ITPRID1: variants seen among roughly 807,000 people sequenced by gnomAD.
The protein encoded by ITPRID1 is ITPR interacting domain containing 1, also known as protein ITPRID1.
In ITPRID1, 96 loss-of-function variants were observed where a neutral mutation model predicts 95.4. The ratio of observed to expected loss-of-function variants is 1.01; its 90% confidence interval spans 0.85 to 1.19. The LOEUF is 1.19. ITPRID1 is among the 50% of genes most tolerant of loss of function. The probability of loss-of-function intolerance (pLI) is 0.00; values close to 1 mark genes in which losing one functional copy is unlikely to be tolerated. For synonymous variants in ITPRID1, 510 were observed against 453.6 expected, an observed-to-expected ratio of 1.12 and a Z score of -1.58; for missense variants, 1,339 against 1,252.9, an observed-to-expected ratio of 1.07 and a Z score of -1.04.
At chr7:31,622,425 A>G (rs2128180487) in intron 10 of ITPRID1, among the ~76,000 whole-genome samples, 1 of 152,072 alleles carries the variant, frequency 6.6e-6, no homozygotes, top group South Asian at 2.1e-4. Context: ...CCACAGTGCA[A>G]TCAAACTAGA....
At chr7:31,641,792 C>T (rs907743868) in intron 10 of ITPRID1, among the ~76,000 whole-genome samples, 10 of 152,138 alleles carry the variant, frequency 6.6e-5, no homozygotes, top group Non-Finnish European at 1.2e-4. Context: ...TGTATATATA[C>T]ACACACACAA....
At chr7:31,520,515 TTGTGTGTGTGTGTGTGTGTGTGTGTG>T (rs57709822) in intron 1 of ITPRID1, among the ~76,000 whole-genome samples, 9 of 135,664 alleles carry the variant, frequency 6.6e-5, no homozygotes, top group Non-Finnish European at 9.4e-5. Flanking sequence ...TACCACATCA[TTGTGTGTGTGTGTGTGTGTGTGTGTG>T]TGTGTGTGTG....
intron 10 of ITPRID1, among the ~76,000 whole-genome samples, chr7:31,638,457 G>A (rs1253292031): frequency 1.3e-5 from 2 of 152,140 alleles, no homozygotes; most frequent in Non-Finnish European, 2.9e-5. Flanking sequence ...AATAACAGGT[G>A]TTTATGTTTG....
intron 1 of ITPRID1, among the ~76,000 whole-genome samples, chr7:31,534,680 A>G (rs887105539): frequency 2.0e-5 from 3 of 152,076 alleles, no homozygotes; most frequent in African/African-American, 7.2e-5. Context: ...TAAGCAACAT[A>G]TAATTTGATT....
chr7:31,584,457 C>T (rs1785515349), intron 10 of ITPRID1, among the ~76,000 whole-genome samples: 1 of 152,150 alleles, frequency 6.6e-6, no homozygotes, highest in African/African-American at 2.4e-5. Flanking sequence ...AGCTGGAGGT[C>T]CCCTTGCCAA....
intron 12 of ITPRID1, among the ~76,000 whole-genome samples, chr7:31,645,620 C>T (rs1790396958): frequency 6.6e-6 from 1 of 152,164 alleles, no homozygotes; most frequent in South Asian, 2.1e-4. Context: ...CCACCACCAT[C>T]ATCATTATTT....
In ITPRID1 at chr7:31,576,966, T is replaced by G. The variant is rs866040428; in HGVS notation, c.599-897T>G. Among the ~76,000 whole-genome samples, 87 of 152,254 alleles carry G rather than the reference T, an allele frequency of 5.7e-4. 1 individual carries two copies. Among genetic ancestry groups the G allele is most frequent in the African/African-American group, 1.9e-3 (79 of 41,530 alleles). ...GGCAATATGTTCTCACTTTAGCCCT[T>G]GCTGCATTAGGTCTCTTCCACATGC... On this transcript the variant is annotated intron_variant, in intron 8 of 14. Transcript: ENST00000615280.
chr7:31,584,312 T>C (rs1785510159), intron 10 of ITPRID1, among the ~76,000 whole-genome samples: 1 of 152,242 alleles, frequency 6.6e-6, no homozygotes, highest in Non-Finnish European at 1.5e-5. Flanking sequence ...AAATTATGCA[T>C]TAGTAATTAT....
intron 10 of ITPRID1, among the ~76,000 whole-genome samples, chr7:31,635,319 C>T (rs778586250): frequency 2.6e-5 from 4 of 152,164 alleles, no homozygotes; most frequent in Non-Finnish European, 4.4e-5. Context: ...AGAAACTAAA[C>T]CATCAGTAAC....
At chr7:31,543,677 A>T (rs1193443126) in intron 1 of ITPRID1, among the ~76,000 whole-genome samples, 1 of 152,022 alleles carries the variant, frequency 6.6e-6, no homozygotes, top group Non-Finnish European at 1.5e-5. Context: ...TTTATCAGAC[A>T]ATTTTTTTCC....
intron 1 of ITPRID1, among the ~76,000 whole-genome samples, chr7:31,545,943 T>C (rs1282845758): frequency 6.6e-6 from 1 of 152,150 alleles, no homozygotes. Context: ...TTTTGAGTGA[T>C]CTTCCAAACC....
chr7:31,584,086 T>C (rs1375224980), intron 10 of ITPRID1, among the ~76,000 whole-genome samples: 1 of 152,318 alleles, frequency 6.6e-6, no homozygotes, highest in African/African-American at 2.4e-5. Context: ...CTGGTTTTCA[T>C]TCCCCCATTC....
rs574987837 is a variant in ITPRID1, at chr7:31,612,576, C to T, written c.1228+29385C>T. ...TAAAACCTATATATTTTGTCAAGTA[C>T]AACACTGAAGTTCCTACTTGAATAG... On this transcript the variant is annotated intron_variant, in intron 10 of 14. Coordinates refer to ENST00000615280, the MANE Select transcript of ITPRID1 (RefSeq NM_001257967.3). Among the ~76,000 whole-genome samples, 296 of 152,248 alleles carry T rather than the reference C, an allele frequency of 1.9e-3. 3 individuals carry two copies. The highest frequency in any genetic ancestry group is 6.8e-3 in the Middle Eastern group (2 of 294).
At chr7:31,612,636 G>C (rs1786928090) in intron 10 of ITPRID1, among the ~76,000 whole-genome samples, 1 of 152,054 alleles carries the variant, frequency 6.6e-6, no homozygotes, top group South Asian at 2.1e-4. Context: ...TTTTTTAAGT[G>C]ACTTGAACAA....
intron 1 of ITPRID1, among the ~76,000 whole-genome samples, chr7:31,523,019 G>A (rs1783315197): frequency 6.6e-6 from 1 of 152,192 alleles, no homozygotes; most frequent in Non-Finnish European, 1.5e-5. Flanking sequence ...TCTGTGCAAT[G>A]TAGATAGTGA....
In ITPRID1 at chr7:31,569,720, C is replaced by T. The variant is rs375473897; in HGVS notation, c.257-38C>T. ...TGAGAAAATCTTCCGCAAGATAAAA[C>T]GAAATAAAGTTCCCCTCTACTTTTT... is the stretch of plus-strand genomic sequence containing the variant. On this transcript the variant is annotated intron_variant, in intron 5 of 14. Transcript: ENST00000615280. 280 of 1,539,108 alleles carry T rather than the reference C, an allele frequency of 1.8e-4. 1 individual carries two copies. Among genetic ancestry groups the T allele is most frequent in the Admixed American group, 4.0e-4 (20 of 49,650 alleles).
chr7:31,569,628 C>T (rs1049476602), intron 5 of ITPRID1, 130 bp from the exon 6 acceptor site: 2 of 687,962 alleles, frequency 2.9e-6, no homozygotes, highest in African/African-American at 1.8e-5. Flanking sequence ...TGCAGTGATG[C>T]CTTGTATTTC....
At chr7:31,535,793 A>G (rs1184444594) in intron 1 of ITPRID1, among the ~76,000 whole-genome samples, 2 of 152,036 alleles carry the variant, frequency 1.3e-5, no homozygotes, top group East Asian at 1.9e-4. Context: ...AGAAGGGTAA[A>G]TGTGTTTGTC....
In ITPRID1 at chr7:31,652,540, A is replaced by G. The variant is rs1791054425; in HGVS notation, c.2846A>G (p.Glu949Gly). The change falls in exon 15 of 15, where the codon GAG (glutamate) becomes GGG (glycine). Residue 949 changes from glutamate to glycine, a missense_variant. By Grantham distance (98) the Glu-to-Gly change is moderately conservative (BLOSUM62 -2). Coordinates refer to ENST00000615280, the MANE Select transcript of ITPRID1 (RefSeq NM_001257967.3). ...ILLQLEVLTAEPPEHYSNLHQ... is the reference protein window; with the variant it reads ...ILLQLEVLTAGPPEHYSNLHQ... ...TAGCAGCTGGAGGTTCTCACAGCAG[A>G]GCCACCTGAACACTATTCAAATCTG... 6.2e-7 allele frequency: 1 copy of G among 1,604,248 alleles called. No individual in the cohort carries two copies. The highest frequency in any genetic ancestry group is 8.5e-7 in the Non-Finnish European group (1 of 1,174,802).
Sources: allele counts gnomAD v4.1 joint callset (sites outside exome capture counted in the v4.1 genomes callset), GRCh38; gene constraint gnomAD v4.1.1; transcripts MANE v1.5; gene names NCBI Gene and HGNC (gene_info 2026-07-23, HGNC 2026-07-21).